The following MAD1L1 variants were observed in gnomAD, a reference collection of about 807,000 sequenced individuals.
The protein encoded by MAD1L1 is mitotic arrest deficient 1 like 1.
A neutral mutation model predicts 96.9 loss-of-function variants in MAD1L1; 95 were observed. The observed-to-expected ratio is 0.98, with a 90% CI of 0.83 to 1.16. The LOEUF (loss-of-function observed/expected upper bound fraction) is 1.16. Among genes scored for constraint, MAD1L1 ranks in the 50% most tolerant of loss-of-function variants. MAD1L1 has a pLI of 0.00. For missense variants in MAD1L1, 1,007 were observed against 954.4 expected, an observed-to-expected ratio of 1.06 and a Z score of -0.73; for synonymous variants, 473 against 396.6, an observed-to-expected ratio of 1.19 and a Z score of -2.29.
At chr7:1,986,480 A>T (rs1366837003) in intron 14 of MAD1L1, among the ~76,000 whole-genome samples, 1 of 145,090 alleles carries the variant, frequency 6.9e-6, no homozygotes, top group Non-Finnish European at 1.5e-5. Flanking sequence ...AGGGAGTTCT[A>T]CTCCGCGGCT....
intron 11 of MAD1L1, among the ~76,000 whole-genome samples, chr7:2,129,599 G>A (rs1308758773): frequency 1.3e-5 from 2 of 152,212 alleles, no homozygotes; most frequent in Non-Finnish European, 2.9e-5. Flanking sequence ...GCACACACAC[G>A]ATCCCATCCC....
intron 5 of MAD1L1, chr7:2,221,007 C>G (rs763016143): frequency 6.2e-7 from 1 of 1,612,152 alleles, no homozygotes; most frequent in Non-Finnish European, 8.5e-7. Flanking sequence ...GAGTAAGGAG[C>G]GTGACAATCA....
chr7:2,089,113 TTCC>T (rs1463656713), intron 11 of MAD1L1: 2 of 152,304 alleles, frequency 1.3e-5, no homozygotes, highest in African/African-American at 2.4e-5. Context: ...GCTGTGCAGC[TTCC>T]TCGAGACCAC....
intron 11 of MAD1L1, among the ~76,000 whole-genome samples, chr7:2,110,514 A>G (rs1416112951): frequency 6.6e-6 from 1 of 152,150 alleles, no homozygotes; most frequent in Non-Finnish European, 1.5e-5. Flanking sequence ...TGAAGTCACA[A>G]CCCAACAGTG....
intron 10 of MAD1L1, among the ~76,000 whole-genome samples, chr7:2,202,271 C>G (rs1343713681): frequency 1.3e-5 from 2 of 152,214 alleles, no homozygotes; most frequent in Non-Finnish European, 2.9e-5. Context: ...AGGCAGAAAG[C>G]GGCCAGGACT....
At chr7:1,859,244 C>A (rs1784404115) in intron 18 of MAD1L1, among the ~76,000 whole-genome samples, 1 of 152,216 alleles carries the variant, frequency 6.6e-6, no homozygotes, top group Admixed American at 6.5e-5. Flanking sequence ...AGGCAGACAG[C>A]TGGGTGCGCA....
chr7:1,869,019 C>G (rs886852514), intron 18 of MAD1L1, among the ~76,000 whole-genome samples: 8 of 152,228 alleles, frequency 5.3e-5, no homozygotes, highest in Admixed American at 3.9e-4. Flanking sequence ...AAGGCAGGCT[C>G]TGGCTCGGCA....
intron 11 of MAD1L1, among the ~76,000 whole-genome samples, chr7:2,133,756 T>C (rs1788624838): frequency 6.6e-6 from 1 of 152,226 alleles, no homozygotes; most frequent in Non-Finnish European, 1.5e-5. Flanking sequence ...ATTTTTCCCC[T>C]GTGGCTGTTC....
chr7:2,066,559 T>C (rs1784883805), intron 12 of MAD1L1, among the ~76,000 whole-genome samples: 1 of 152,158 alleles, frequency 6.6e-6, no homozygotes, highest in African/African-American at 2.4e-5. Flanking sequence ...GGCCAGAAAG[T>C]GCCAGAGGCT....
intron 11 of MAD1L1, 54 bp downstream of exon 11, chr7:2,149,098 C>T (rs1789446205): frequency 5.2e-6 from 8 of 1,537,692 alleles, no homozygotes; most frequent in African/African-American, 1.4e-5. Flanking sequence ...TCACTCACCC[C>T]TAACTCTCCA....
chr7:1,870,559 C>T (rs1313550832), intron 18 of MAD1L1, among the ~76,000 whole-genome samples: 3 of 148,756 alleles, frequency 2.0e-5, no homozygotes, highest in Non-Finnish European at 3.0e-5. Flanking sequence ...ACACCTGCCA[C>T]GCTGAACCCA....
intron 10 of MAD1L1, among the ~76,000 whole-genome samples, chr7:2,165,585 C>T (rs985770889): frequency 2.0e-5 from 3 of 152,104 alleles, no homozygotes; most frequent in South Asian, 2.1e-4. Context: ...AATGGGGAAA[C>T]GTGGTCCAGG....
chr7:2,007,552 T>C (rs1019876989), intron 13 of MAD1L1, among the ~76,000 whole-genome samples: 5 of 152,160 alleles, frequency 3.3e-5, no homozygotes, highest in Non-Finnish European at 5.9e-5. Flanking sequence ...TGCATGCCTG[T>C]AGTCCCAGCT....
chr7:2,056,145 T>C (rs1192771941), intron 12 of MAD1L1, among the ~76,000 whole-genome samples: 1 of 152,236 alleles, frequency 6.6e-6, no homozygotes, highest in African/African-American at 2.4e-5. Context: ...ACATGATGAC[T>C]GTCTGACACA....
At chr7:1,944,856 A>C (rs1779157330) in intron 16 of MAD1L1, among the ~76,000 whole-genome samples, 1 of 152,118 alleles carries the variant, frequency 6.6e-6, no homozygotes, top group Non-Finnish European at 1.5e-5. Context: ...CCTGCAGGCC[A>C]CCTCTGCAGC....
chr7:2,203,786 G>C (rs921094832), intron 10 of MAD1L1, among the ~76,000 whole-genome samples: 1 of 152,222 alleles, frequency 6.6e-6, no homozygotes, highest in African/African-American at 2.4e-5. Context: ...CACATTTCCA[G>C]AACGACACAC....
rs569779925 is a variant in MAD1L1 at position 2,232,748 on chromosome 7, G to A, written c.-190+124C>T. On this transcript the variant is annotated intron_variant, in intron 1 of 18. Transcript: ENST00000265854. ...GCGGGCGCGGGGTCCTGAGGCACGG[G>A]GTCTGGGTCGTTGTGCCCCACCCTG... 4.2e-3 allele frequency: 645 copies of A among 152,390 alleles called. 5 individuals are homozygous for A. The highest frequency in any genetic ancestry group is 0.031 in the South Asian group (149 of 4,836). The allele number at this position is 152,390 out of a possible 1,614,324, so 9.4% of individuals were successfully genotyped here.
intron 18 of MAD1L1, among the ~76,000 whole-genome samples, chr7:1,897,646 C>T (rs567488727): frequency 1.5e-4 from 23 of 152,372 alleles, no homozygotes; most frequent in Middle Eastern, 3.4e-3. Flanking sequence ...ATGTCCACAA[C>T]GGTGGACCCA....
At chr7:2,225,708 C>G (rs1793858115) in intron 3 of MAD1L1, 158 bp from the exon 4 acceptor site, 7 of 749,140 alleles carry the variant, frequency 9.3e-6, no homozygotes, top group Admixed American at 8.5e-5. Context: ...GGCTGGGGAA[C>G]AGGGGAGGGG....
Sources: allele counts gnomAD v4.1 joint callset (sites outside exome capture counted in the v4.1 genomes callset), GRCh38; gene constraint gnomAD v4.1.1; transcripts MANE v1.5; gene names NCBI Gene and HGNC (gene_info 2026-07-23, HGNC 2026-07-21).